Variants in MDGA2 observed in about 807,000 individuals in gnomAD.
MDGA2 encodes MAM domain containing glycosylphosphatidylinositol anchor 2.
MDGA2 carries 40 observed loss-of-function variants against 117.8 expected under a neutral mutation model. The observed-to-expected ratio is 0.34, with a 90% CI of 0.26 to 0.44. The LOEUF (loss-of-function observed/expected upper bound fraction) is 0.44, where lower values mean the gene tolerates loss of function less well. MDGA2 is among the 20% of genes least tolerant of loss of function. MDGA2 has a pLI of 1.00. For synonymous variants in MDGA2, 452 were observed against 439.0 expected (o/e 1.03, Z -0.37); for missense variants, 1,123 against 1,250.6 (o/e 0.90, Z 1.54).
At chr14:47,095,952 C>A (rs1879942445) in intron 6 of MDGA2, among the ~76,000 whole-genome samples, 1 of 151,944 alleles carries the variant, frequency 6.6e-6, no homozygotes, top group East Asian at 1.9e-4. Context: ...TCAGTGTGCA[C>A]CCTCCACTTC....
At chr14:47,120,996 C>T (rs1055977148) in intron 5 of MDGA2, among the ~76,000 whole-genome samples, 3 of 152,062 alleles carry the variant, frequency 2.0e-5, no homozygotes, top group Admixed American at 2.0e-4. Context: ...GTGTAGCTAA[C>T]ATCAGAAAAA....
intron 3 of MDGA2, among the ~76,000 whole-genome samples, chr14:47,196,971 T>G (rs1007235952): frequency 6.6e-6 from 1 of 152,200 alleles, no homozygotes; most frequent in Admixed American, 6.5e-5. Flanking sequence ...TCCAGCTGCA[T>G]TCATGTTGAT....
At chr14:47,001,303 C>T (rs1022167076) in intron 8 of MDGA2, among the ~76,000 whole-genome samples, 1 of 151,936 alleles carries the variant, frequency 6.6e-6, no homozygotes. Flanking sequence ...CATAAGTGCT[C>T]TGTGAAATAG....
chr14:47,492,868 C>A (rs1894200850), intron 1 of MDGA2, among the ~76,000 whole-genome samples: 1 of 151,990 alleles, frequency 6.6e-6, no homozygotes, highest in Admixed American at 6.6e-5. Flanking sequence ...TCTTTTGGTT[C>A]ATAATTCAAG....
rs546090906 is a variant in MDGA2 at position 47,315,289 on chromosome 14, T to A, written c.281-13739A>T. Among the ~76,000 whole-genome samples the A allele has an allele frequency of 6.7e-4, 102 of 152,294 alleles. 1 individual carries two copies. The highest frequency in any genetic ancestry group is 2.3e-3 in the African/African-American group (97 of 41,568). ...CTGTGAACTTCCAGACATTTTTTAT[T>A]GACTTAGAATCTTCTGACTTGTCTT... On this transcript the variant is annotated intron_variant, in intron 1 of 16. Coordinates refer to ENST00000399232, the MANE Select transcript of MDGA2 (RefSeq NM_001113498.3).
intron 3 of MDGA2, among the ~76,000 whole-genome samples, chr14:47,171,578 C>A (rs991072987): frequency 6.6e-6 from 1 of 152,248 alleles, no homozygotes; most frequent in African/African-American, 2.4e-5. Context: ...TAGTTTCTTT[C>A]CTGAAAATAT....
chr14:47,374,744 T>C (rs1891439027), intron 1 of MDGA2, among the ~76,000 whole-genome samples: 1 of 152,108 alleles, frequency 6.6e-6, no homozygotes, highest in Admixed American at 6.6e-5. Context: ...AACGGATGAA[T>C]GTTATTATTT....
intron 2 of MDGA2, among the ~76,000 whole-genome samples, chr14:47,244,276 A>T (rs10144279): frequency 0.23 from 35,132 of 151,720 alleles, 5,415 homozygotes; most frequent in East Asian, 0.44. Context: ...ATTTTAAAGT[A>T]TTTAAATAAA....
At chr14:46,961,410 T>C (rs2138277846) in intron 8 of MDGA2, among the ~76,000 whole-genome samples, 1 of 152,296 alleles carries the variant, frequency 6.6e-6, no homozygotes, top group African/African-American at 2.4e-5. Context: ...CTGTACTGCA[T>C]TATGAATAAA....
chr14:47,171,411 T>C (rs773925633), intron 3 of MDGA2, among the ~76,000 whole-genome samples: 10 of 152,266 alleles, frequency 6.6e-5, no homozygotes, highest in African/African-American at 1.4e-4. Flanking sequence ...ATTGAGAGAA[T>C]TGAGAAGTTC....
At chr14:47,523,905 G>C (rs145068368) in intron 1 of MDGA2, among the ~76,000 whole-genome samples, 30 of 152,228 alleles carry the variant, frequency 2.0e-4, no homozygotes, top group Admixed American at 5.2e-4. Flanking sequence ...GGAACACAGC[G>C]TCACAGTTGA....
At chr14:47,043,912 T>C (rs559880973) in intron 7 of MDGA2, among the ~76,000 whole-genome samples, 1 of 152,160 alleles carries the variant, frequency 6.6e-6, no homozygotes, top group African/African-American at 2.4e-5. Flanking sequence ...TTTCTGCATC[T>C]TTTATTCATC....
intron 5 of MDGA2, among the ~76,000 whole-genome samples, chr14:47,100,981 C>A (rs2138999185): frequency 6.6e-6 from 1 of 151,652 alleles, no homozygotes; most frequent in African/African-American, 2.4e-5. Context: ...TAGACATTGC[C>A]ACAGAGATTT....
intron 1 of MDGA2, among the ~76,000 whole-genome samples, chr14:47,479,420 C>G (rs1893907396): frequency 6.6e-6 from 1 of 151,686 alleles, no homozygotes; most frequent in Non-Finnish European, 1.5e-5. Context: ...AACATCTTCC[C>G]TTTTGAGATG....
chr14:47,666,686 G>C (rs4343171), intron 1 of MDGA2, among the ~76,000 whole-genome samples: 46,221 of 152,062 alleles, frequency 0.3, 7,787 homozygotes, highest in Middle Eastern at 0.4. Context: ...CAGGCTGCCT[G>C]AGCCAGCAGT....
intron 1 of MDGA2, among the ~76,000 whole-genome samples, chr14:47,502,613 C>G (rs1322853429): frequency 6.6e-6 from 1 of 152,116 alleles, no homozygotes; most frequent in East Asian, 1.9e-4. Flanking sequence ...GTTTGTGAAT[C>G]CAGTATAACA....
intron 1 of MDGA2, among the ~76,000 whole-genome samples, chr14:47,648,133 A>G (rs1478623732): frequency 6.6e-6 from 1 of 152,160 alleles, no homozygotes; most frequent in African/African-American, 2.4e-5. Flanking sequence ...TGGTTTGCCT[A>G]TGTCATACTG....
At chr14:47,082,851 A>C (rs2138899776) in intron 6 of MDGA2, among the ~76,000 whole-genome samples, 1 of 152,192 alleles carries the variant, frequency 6.6e-6, no homozygotes, top group South Asian at 2.1e-4. Flanking sequence ...TGAAAAGATG[A>C]AAAATTTTGC....
intron 1 of MDGA2, among the ~76,000 whole-genome samples, chr14:47,547,184 A>G (rs866407454): frequency 8.5e-5 from 13 of 152,328 alleles, no homozygotes; most frequent in South Asian, 2.1e-4. Context: ...CAGCACAACA[A>G]GATTGAATTA....
Sources: allele counts gnomAD v4.1 joint callset (sites outside exome capture counted in the v4.1 genomes callset), GRCh38; gene constraint gnomAD v4.1.1; transcripts MANE v1.5; gene names NCBI Gene and HGNC (gene_info 2026-07-23, HGNC 2026-07-21).